Variants in TMEM168 observed in about 807,000 individuals in gnomAD.
TMEM168 encodes the protein transmembrane protein 168.
TMEM168 carries 40 observed loss-of-function variants against 53.2 expected under a neutral mutation model. The observed-to-expected ratio is 0.75, with a 90% confidence interval of 0.58 to 0.98. The LOEUF (loss-of-function observed/expected upper bound fraction) is 0.98. Among genes scored for constraint, TMEM168 ranks in the 50% least tolerant of loss-of-function variants. The pLI is 0.00. For missense variants in TMEM168, 771 were observed against 828.8 expected (o/e 0.93, Z 0.86); for synonymous variants, 282 against 293.0 (o/e 0.96, Z 0.38).
intron 2 of TMEM168, among the ~76,000 whole-genome samples, chr7:112,775,637 T>TA (rs1286803426): frequency 6.6e-6 from 1 of 151,776 alleles, no homozygotes; most frequent in African/African-American, 2.4e-5. Context: ...AAACCACTCT[T>TA]TGATATAACA....
chr7:112,784,235 T>C lies in TMEM168; in HGVS notation c.591A>G (p.Lys197=), dbSNP rs1052690235. The change falls in exon 2 of 5, where the codon AAA becomes AAG. Residue 197 remains lysine (K), a synonymous_variant. Coordinates refer to ENST00000312814, the MANE Select transcript of TMEM168 (RefSeq NM_022484.6). The part of the protein sequence containing the change: ...LAMLIIDLRM[K]SFLAIPNLVI... ...CTAAGTTTGGAATAGCTAAGAAAGA[T>C]TTCATTCTCAGATCAATAATCAGCA... 7 of 1,613,552 alleles carry C rather than the reference T, an allele frequency of 4.3e-6. No individual in the cohort carries two copies. In the African/African-American group the frequency reaches 5.3e-5, roughly 12 times the overall value.
rs1793101820 is a variant in TMEM168 at position 112,776,955 on chromosome 7, TATTA to T, written c.1129-1641_1129-1638del. On this transcript the variant is annotated intron_variant, in intron 2 of 4. Transcript: ENST00000312814. ...ACTAGAATAAATATCAAGTTCTGATTATTAATGAGGTTAAGTACCTTTCACTATG... is the reference window on the plus strand; with the variant it reads ...ACTAGAATAAATATCAAGTTCTGATTATGAGGTTAAGTACCTTTCACTATG... Among the ~76,000 whole-genome samples, 4 of 152,256 alleles carry T rather than the reference TATTA, an allele frequency of 2.6e-5. No individual in the cohort carries two copies. In the South Asian group the frequency reaches 8.3e-4, roughly 32 times the overall value.
rs541469402 is a variant in TMEM168, at chr7:112,767,350, T to C, written c.1941A>G (p.Thr647=). The change falls in exon 5 of 5, where the codon ACA becomes ACG. Residue 647 remains threonine (T), a synonymous_variant. Coordinates refer to ENST00000312814, the MANE Select transcript of TMEM168 (RefSeq NM_022484.6). The part of the protein sequence containing the change: ...KHWMLHFPRI[T]YPLVHLANWL... ...AATTTGCCAAATGCACTAGGGGATA[T>C]GTAATACGAGGAAAGTGTAACATCC... is the stretch of plus-strand genomic sequence containing the variant. 3.7e-6 allele frequency: 6 copies of C among 1,614,156 alleles called. No homozygotes were observed. In the Admixed American group the frequency reaches 5.0e-5, roughly 13 times the overall value.
chr7:112,770,594 C>T (rs1052984034), intron 4 of TMEM168, among the ~76,000 whole-genome samples: 1 of 127,446 alleles, frequency 7.8e-6, no homozygotes, highest in Non-Finnish European at 1.6e-5. Flanking sequence ...AGAAAAACTG[C>T]GAGAGATATA....
rs1792714344 is a variant in TMEM168, at chr7:112,764,091, G to A, written c.*3106C>T. 2 of 151,646 alleles carry A rather than the reference G, an allele frequency of 1.3e-5. No individual in the cohort carries two copies. The highest frequency in any genetic ancestry group is 1.3e-4 in the Admixed American group (2 of 15,236). The allele number at this position is 151,646 out of a possible 1,614,324, so 9.4% of individuals were successfully genotyped here. On this transcript the variant is annotated 3_prime_UTR_variant, in exon 5 of 5. Transcript: ENST00000312814. The stretch of plus-strand genomic sequence containing the variant: ...TTATTTATTTTGCAACAGTGTGTAT[G>A]CTATTTGCACATGTACCCTAAAACT...
In TMEM168 at chr7:112,784,243, T is replaced by C. The variant is rs1304949793; in HGVS notation, c.583A>G (p.Arg195Gly). The C allele has an allele frequency of 1.2e-5, 19 of 1,613,830 alleles. No individual in the cohort carries two copies. The highest frequency in any genetic ancestry group is 1.6e-5 in the Non-Finnish European group (19 of 1,179,930). Reference sequence around the variant, plus strand: ...GGAATAGCTAAGAAAGATTTCATTCTCAGATCAATAATCAGCATAGCCAGA... The same window carrying C: ...GGAATAGCTAAGAAAGATTTCATTCCCAGATCAATAATCAGCATAGCCAGA... ...VALAMLIIDL[R>G]MKSFLAIPNL... Residue 195 changes from arginine to glycine, a missense_variant, in exon 2 of 5, where the codon AGA becomes GGA. Coordinates refer to ENST00000312814, the MANE Select transcript of TMEM168 (RefSeq NM_022484.6).
chr7:112,767,882 C>T (rs1562859666), intron 4 of TMEM168, 138 bp from the exon 5 acceptor site: 4 of 636,938 alleles, frequency 6.3e-6, no homozygotes, highest in Non-Finnish European at 5.0e-6. Context: ...ATTAAATAAG[C>T]AAAAAAATAA....
Position 112,783,693 on chromosome 7 carries a change from C to T in TMEM168, c.1128+5G>A. ...TTGGGGTTGCTGGACAAACAATAAG[C>T]TTACCTGCCAGGAAACTGCTCCCAA... On this transcript the variant is annotated splice_donor_5th_base_variant and intron_variant, in intron 2 of 4. Coordinates refer to ENST00000312814, the MANE Select transcript of TMEM168 (RefSeq NM_022484.6). The T allele has an allele frequency of 6.8e-7, 1 of 1,481,216 alleles. No homozygotes were observed. The highest frequency in any genetic ancestry group is 8.9e-7 in the Non-Finnish European group (1 of 1,117,444). 91.8% of individuals were successfully genotyped at this position (1,481,216 alleles called of 1,614,324 possible).
chr7:112,767,609 T>A lies in TMEM168; in HGVS notation c.1682A>T (p.Asp561Val), dbSNP rs1792817836. The A allele has an allele frequency of 1.2e-6, 2 of 1,614,028 alleles. No individual in the cohort carries two copies. Among genetic ancestry groups the A allele is most frequent in the Non-Finnish European group, 1.7e-6 (2 of 1,180,004 alleles). The stretch of plus-strand genomic sequence containing the variant: ...TGCTCCTTGCACTGCAATATACTGG[T>A]CATTAATTTTCCTCACTTCTTTCAC... ...PWVKEVRKIN[D>V]QYIAVQGAEL... is the part of the protein sequence containing the mutation. The change falls in exon 5 of 5, where the codon GAC becomes GTC. Residue 561 changes from aspartate (D) to valine (V), a missense_variant. Physicochemically the swap from Asp to Val is radical, Grantham distance 152 (BLOSUM62 -3). Coordinates refer to ENST00000312814, the MANE Select transcript of TMEM168 (RefSeq NM_022484.6).
intron 2 of TMEM168, among the ~76,000 whole-genome samples, chr7:112,777,962 G>C (rs1226020849): frequency 6.9e-6 from 1 of 144,180 alleles, no homozygotes; most frequent in Non-Finnish European, 1.5e-5. Flanking sequence ...AAATTTATAA[G>C]CTGAACACTG....
At position 112,783,847 on chromosome 7, in the gene TMEM168, G is replaced by A; in HGVS notation, c.979C>T (p.His327Tyr). Residue 327 changes from histidine (H) to tyrosine (Y), a missense_variant, in exon 2 of 5, where the codon CAT becomes TAT. Transcript: ENST00000312814. Reference sequence around the variant, plus strand: ...GTCCTGTGAGTAAAATATACTTTATGGCAGTCATTTAATTTGGTATGGAAT... The same window carrying A: ...GTCCTGTGAGTAAAATATACTTTATAGCAGTCATTTAATTTGGTATGGAAT... ...WGFHTKLNDC[H>Y]KVYFTHRTDY... is the part of the protein sequence containing the mutation. The A allele has an allele frequency of 6.2e-7, 1 of 1,606,362 alleles. No homozygotes were observed. The highest frequency in any genetic ancestry group is 8.5e-7 in the Non-Finnish European group (1 of 1,177,566).
rs1290746503 is a variant in TMEM168 at position 112,765,401 on chromosome 7, T to C, written c.*1796A>G. 6.6e-6 allele frequency: 1 copy of C among 152,194 alleles called. No homozygotes were observed. Among genetic ancestry groups the C allele is most frequent in the Non-Finnish European group, 1.5e-5 (1 of 68,030 alleles). 9.4% of individuals were successfully genotyped at this position (152,194 alleles called of 1,614,324 possible). A position where few individuals can be genotyped will look rare whatever the true frequency, so the allele number is the denominator to read the frequency against. On this transcript the variant is annotated 3_prime_UTR_variant, in exon 5 of 5. Transcript: ENST00000312814. Reference sequence around the variant, plus strand: ...ACCTTATAAAGAATGCAGAATATACTTTTGTATTTGGCTTTCTTAAAGTGA... The same window carrying C: ...ACCTTATAAAGAATGCAGAATATACCTTTGTATTTGGCTTTCTTAAAGTGA...
intron 1 of TMEM168, among the ~76,000 whole-genome samples, chr7:112,785,928 C>T (rs1049639546): frequency 2.0e-5 from 3 of 152,102 alleles, no homozygotes; most frequent in Non-Finnish European, 4.4e-5. Flanking sequence ...GAAACTAGGG[C>T]CAGGCACGGT....
chr7:112,780,767 T>C lies in TMEM168; in HGVS notation c.1128+2931A>G, dbSNP rs574893865. 3.9e-5 allele frequency among the ~76,000 whole-genome samples: 6 copies of C among 152,148 alleles called. No homozygotes were observed. The South Asian group carries it at 8.3e-4, about 21-fold the overall frequency. On this transcript the variant is annotated intron_variant, in intron 2 of 4. Coordinates refer to ENST00000312814, the MANE Select transcript of TMEM168 (RefSeq NM_022484.6). ...CAAAAGACTACAATGTTAAATGATTTTACGAATATGACATTCTGGAAAAGG... is the reference window on the plus strand; with the variant it reads ...CAAAAGACTACAATGTTAAATGATTCTACGAATATGACATTCTGGAAAAGG...
At chr7:112,775,694 T>C (rs1793063738) in intron 2 of TMEM168, among the ~76,000 whole-genome samples, 2 of 152,020 alleles carry the variant, frequency 1.3e-5, no homozygotes, top group African/African-American at 2.4e-5. Context: ...CACATGCCTA[T>C]GTCATTTTTC....
rs902561460 is a variant in TMEM168 at position 112,763,244 on chromosome 7, T to C, written c.*3953A>G. 10 of 152,110 alleles carry C rather than the reference T, an allele frequency of 6.6e-5. No homozygotes were observed. Among genetic ancestry groups the C allele is most frequent in the Admixed American group, 5.9e-4 (9 of 15,260 alleles). The allele number at this position is 152,110 out of a possible 1,614,324, so 9.4% of individuals were successfully genotyped here. A position where few individuals can be genotyped will look rare whatever the true frequency, so the allele number is the denominator to read the frequency against. ...TTACTCTTAACTACAAATTTGAGAT[T>C]TGCTTTCTTTTTATGGATTCTGTAA... is the stretch of plus-strand genomic sequence containing the variant. On this transcript the variant is annotated 3_prime_UTR_variant, in exon 5 of 5. Transcript: ENST00000312814.
At position 112,764,115 on chromosome 7, in the gene TMEM168, C is replaced by T. The variant is rs1241010096; in HGVS notation, c.*3082G>A. 2 of 147,884 alleles carry T rather than the reference C, an allele frequency of 1.4e-5. No individual in the cohort carries two copies. The highest frequency in any genetic ancestry group is 4.3e-4 in the South Asian group (2 of 4,658). 9.2% of individuals were successfully genotyped at this position (147,884 alleles called of 1,614,324 possible). A position where few individuals can be genotyped will look rare whatever the true frequency, so the allele number is the denominator to read the frequency against. On this transcript the variant is annotated 3_prime_UTR_variant, in exon 5 of 5. Transcript: ENST00000312814. ...TGCTATTTGCACATGTACCCTAAAA[C>T]TTAAAGTATAATAATAATAAAATTA...
intron 2 of TMEM168, among the ~76,000 whole-genome samples, chr7:112,780,396 G>A (rs1260630649): frequency 6.6e-6 from 1 of 152,194 alleles, no homozygotes; most frequent in South Asian, 2.1e-4. Flanking sequence ...AAGGTTTATA[G>A]CAGCTTTATT....
rs1263240773 is a variant in TMEM168, at chr7:112,784,818, T to C, written c.8A>G (p.Lys3Arg). 1 of 1,579,032 alleles carries C rather than the reference T, an allele frequency of 6.3e-7. No individual in the cohort carries two copies. The highest frequency in any genetic ancestry group is 1.2e-5 in the South Asian group (1 of 84,766). The stretch of plus-strand genomic sequence containing the variant: ...ATGACTAAAGCAATAACGCAGTGAT[T>C]TACACATGTAACCAGCAATGTGGGC... Reference protein sequence around the residue: MCKSLRYCFSHCL... With the variant: MCRSLRYCFSHCL... Residue 3 changes from lysine to arginine, a missense_variant, in exon 2 of 5, where the codon AAA becomes AGA. Physicochemically the swap from Lys to Arg is conservative, Grantham distance 26. Coordinates refer to ENST00000312814, the MANE Select transcript of TMEM168 (RefSeq NM_022484.6).
Sources: gnomAD v4.1 joint callset for allele counts (sites outside exome capture counted in the v4.1 genomes callset) on GRCh38, gnomAD v4.1.1 for gene constraint, MANE v1.5 for transcripts, NCBI Gene and HGNC (gene_info 2026-07-23, HGNC 2026-07-21) for gene names.